NRROS: variants seen among roughly 807,000 people sequenced by gnomAD.
The protein encoded by NRROS is negative regulator of reactive oxygen species.
In NRROS, 6 loss-of-function variants were observed where a neutral mutation model predicts 12.0. The ratio of observed to expected loss-of-function variants is 0.50; its 90% CI spans 0.27 to 0.98. The LOEUF (loss-of-function observed/expected upper bound fraction) is 0.98, where lower values mean the gene tolerates loss of function less well. NRROS is among the 50% of genes least tolerant of loss of function. The pLI is 0.11. For synonymous variants in NRROS, 462 were observed against 410.2 expected, an observed-to-expected ratio of 1.13 and a Z score of -1.53; for missense variants, 857 against 888.2, an observed-to-expected ratio of 0.96 and a Z score of 0.45.
intron 1 of NRROS, among the ~76,000 whole-genome samples, chr3:196,652,639 T>C (rs953595457): frequency 5.9e-5 from 9 of 152,224 alleles, no homozygotes; most frequent in African/African-American, 1.7e-4. Context: ...GGAGAGGATA[T>C]GTTTTAAACT....
chr3:196,641,263 G>A (rs1737203791), intron 1 of NRROS, among the ~76,000 whole-genome samples: 1 of 151,988 alleles, frequency 6.6e-6, no homozygotes, highest in South Asian at 2.1e-4. Context: ...GCCCAGACTG[G>A]AGTTCTGTGG....
chr3:196,646,917 C>A (rs1737325157), intron 1 of NRROS, among the ~76,000 whole-genome samples: 1 of 152,342 alleles, frequency 6.6e-6, no homozygotes, highest in South Asian at 2.1e-4. Context: ...CCTGCATATT[C>A]TTTTAGCAAA....
In NRROS at chr3:196,660,735, G is replaced by T. The variant is rs781642014; in HGVS notation, c.1092G>T (p.Leu364=). 10 of 1,614,112 alleles carry T rather than the reference G, an allele frequency of 6.2e-6. No homozygotes were observed. The highest frequency in any genetic ancestry group is 8.5e-6 in the Non-Finnish European group (10 of 1,180,036). Residue 364 remains leucine, a synonymous_variant, in exon 3 of 3, where the codon CTG becomes CTT. Coordinates refer to ENST00000328557, the MANE Select transcript of NRROS (RefSeq NM_198565.3). The surrounding 1 kb of genome is among the most constrained non-coding windows in gnomAD (Gnocchi z 7.7). The part of the protein sequence containing the change: ...LSHLNLHQNC[L]MTLHIREHEP... ...ACCTGAACCTCCACCAGAATTGCCTGATGACGCTTCACATTCGGGAGCACG... is the reference window on the plus strand; with the variant it reads ...ACCTGAACCTCCACCAGAATTGCCTTATGACGCTTCACATTCGGGAGCACG...
chr3:196,653,466 A>G (rs564644393), intron 1 of NRROS, among the ~76,000 whole-genome samples: 12 of 152,160 alleles, frequency 7.9e-5, no homozygotes, highest in African/African-American at 1.9e-4. Context: ...GGCCCAGGAG[A>G]AGATGGGAGG....
chr3:196,641,757 C>G (rs1737213166), intron 1 of NRROS, among the ~76,000 whole-genome samples: 1 of 152,188 alleles, frequency 6.6e-6, no homozygotes, highest in Non-Finnish European at 1.5e-5. Flanking sequence ...TGCATTCTGG[C>G]TGCGGTGTGC....
At chr3:196,645,009 A>G (rs755814169) in intron 1 of NRROS, among the ~76,000 whole-genome samples, 2 of 152,098 alleles carry the variant, frequency 1.3e-5, no homozygotes, top group African/African-American at 4.8e-5. Flanking sequence ...AGATGGATAG[A>G]TGTATGTTGT....
chr3:196,641,767 C>T (rs6804254), intron 1 of NRROS, among the ~76,000 whole-genome samples: 48,946 of 151,990 alleles, frequency 0.32, 8,798 homozygotes, highest in East Asian at 0.58. Context: ...CTGCGGTGTG[C>T]GTCCACACTG....
In NRROS at chr3:196,654,941, A is replaced by G. The variant is rs1737507367; in HGVS notation, c.108+294A>G. 1 of 315,094 alleles carries G rather than the reference A, an allele frequency of 3.2e-6. No homozygotes were observed. The highest frequency in any genetic ancestry group is 5.9e-6 in the Non-Finnish European group (1 of 170,798). 19.5% of individuals were successfully genotyped at this position (315,094 alleles called of 1,614,324 possible). On this transcript the variant is annotated intron_variant, in intron 2 of 2. Transcript: ENST00000328557. The surrounding 1 kb of genome is among the most constrained non-coding windows in gnomAD (Gnocchi z 4.4). ...CCGGAACAAGAACAACTTGTTAAAA[A>G]TCTGGATGATTCAGGCCGGGTGCAG...
At chr3:196,644,398 CAA>C (rs35853147) in intron 1 of NRROS, among the ~76,000 whole-genome samples, 22 of 87,506 alleles carry the variant, frequency 2.5e-4, no homozygotes, top group East Asian at 3.2e-4. Flanking sequence ...GACCCCGTCT[CAA>C]AAAAAAAAAA....
rs62636589 is a variant in NRROS, at chr3:196,660,891, C to T, written c.1248C>T (p.Gly416=). The T allele has an allele frequency of 1.2e-5, 19 of 1,614,008 alleles. No individual in the cohort carries two copies. The African/African-American group carries it at 2.4e-4, about 20-fold the overall frequency. ...LFNLSSNQLL[G]VPPGLFANAR... is the part of the protein sequence containing the mutation. ...ACCTGAGCTCCAACCAGCTCCTGGG[C>T]GTCCCCCCTGGCCTCTTCGCCAATG... Residue 416 remains glycine (G), a synonymous_variant, in exon 3 of 3, where the codon GGC becomes GGT. Transcript: ENST00000328557. This position sits in a 1 kb window ranked among gnomAD's most constrained non-coding sequence, Gnocchi z 7.7.
intron 1 of NRROS, among the ~76,000 whole-genome samples, chr3:196,643,648 A>G (rs1737250630): frequency 6.6e-6 from 1 of 152,210 alleles, no homozygotes; most frequent in Non-Finnish European, 1.5e-5. Flanking sequence ...CCACACCCAC[A>G]GTGCCTGGCA....
At position 196,661,215 on chromosome 3, in the gene NRROS, C is replaced by T. The variant is rs765956143; in HGVS notation, c.1572C>T (p.His524=). The part of the protein sequence containing the change: ...QVLSLRNMGL[H]SSFMALDFSG... Reference sequence around the variant, plus strand: ...TGTCTCTCAGGAACATGGGCCTCCACTCCAGCTTTATGGCGTTGGACTTCT... The same window carrying T: ...TGTCTCTCAGGAACATGGGCCTCCATTCCAGCTTTATGGCGTTGGACTTCT... The change falls in exon 3 of 3, where the codon CAC becomes CAT. Residue 524 remains histidine (H), a synonymous_variant. Coordinates refer to ENST00000328557, the MANE Select transcript of NRROS (RefSeq NM_198565.3). 1.2e-5 allele frequency: 19 copies of T among 1,614,010 alleles called. No individual in the cohort carries two copies. The highest frequency in any genetic ancestry group is 1.1e-4 in the East Asian group (5 of 44,868).
chr3:196,656,107 C>G (rs1490726600), intron 2 of NRROS, among the ~76,000 whole-genome samples: 1 of 152,028 alleles, frequency 6.6e-6, no homozygotes, highest in Non-Finnish European at 1.5e-5. Context: ...GCAGAGGTTG[C>G]AGTGAGCTGA....
At chr3:196,650,529 C>G (rs545296542) in intron 1 of NRROS, among the ~76,000 whole-genome samples, 20 of 152,332 alleles carry the variant, frequency 1.3e-4, no homozygotes, top group East Asian at 5.8e-4. Flanking sequence ...ACCCCCCACT[C>G]CTTGGCCTCC....
chr3:196,659,829 C>A lies in NRROS; in HGVS notation c.186C>A (p.Leu62=). The A allele has an allele frequency of 6.2e-7, 1 of 1,614,034 alleles. No homozygotes were observed. The highest frequency in any genetic ancestry group is 8.5e-7 in the Non-Finnish European group (1 of 1,179,956). The change falls in exon 3 of 3, where the codon CTC becomes CTA. Residue 62 remains leucine (L), a synonymous_variant. Coordinates refer to ENST00000328557, the MANE Select transcript of NRROS (RefSeq NM_198565.3). ...PSSLPPHARM[L]TLDANPLKTL... Reference sequence around the variant, plus strand: ...GCCTCCCGCCCCACGCCCGGATGCTCACCCTGGATGCCAACCCTCTCAAGA... The same window carrying A: ...GCCTCCCGCCCCACGCCCGGATGCTAACCCTGGATGCCAACCCTCTCAAGA...
At position 196,660,025 on chromosome 3, in the gene NRROS, C is replaced by T; in HGVS notation, c.382C>T (p.Leu128Phe). The change falls in exon 3 of 3, where the codon CTC (leucine) becomes TTC (phenylalanine). Residue 128 changes from leucine (L) to phenylalanine (F), a missense_variant. Leu to Phe is a conservative substitution (Grantham distance 22). Coordinates refer to ENST00000328557, the MANE Select transcript of NRROS (RefSeq NM_198565.3). The surrounding 1 kb of genome is among the most constrained non-coding windows in gnomAD (Gnocchi z 7.7). ...GAACTACGAAGAGACGGCAGCCGCC[C>T]TCCACGCCCTGCCGGGCCTGCGGAG... ...SENYEETAAA[L>F]HALPGLRRLD... The T allele has an allele frequency of 6.2e-7, 1 of 1,613,440 alleles. No individual in the cohort carries two copies. The highest frequency in any genetic ancestry group is 8.5e-7 in the Non-Finnish European group (1 of 1,179,964).
chr3:196,646,562 G>C (rs924052465), intron 1 of NRROS, among the ~76,000 whole-genome samples: 1 of 152,214 alleles, frequency 6.6e-6, no homozygotes, highest in African/African-American at 2.4e-5. Flanking sequence ...GCTCTACCAG[G>C]CCGACGCTGA....
chr3:196,661,366 C>CA lies in NRROS; in HGVS notation c.1724dup (p.Lys576GlufsTer5). 6.3e-7 allele frequency: 1 copy of CA among 1,575,056 alleles called. No individual in the cohort carries two copies. The highest frequency in any genetic ancestry group is 8.6e-7 in the Non-Finnish European group (1 of 1,159,026). ...TAGAAACTCGCTCACAGCCCTTCCC[C>CA]AGAAGGCTGTGTCTGAGCAGCTCTC... is the stretch of plus-strand genomic sequence containing the variant. On this transcript the variant is annotated frameshift_variant, in exon 3 of 3. Coordinates refer to ENST00000328557, the MANE Select transcript of NRROS (RefSeq NM_198565.3). LOFTEE classifies it high-confidence loss of function.
Position 196,645,365 on chromosome 3 carries a change from G to A in NRROS, c.-14+5490G>A, listed in dbSNP as rs560125887. Among the ~76,000 whole-genome samples the A allele has an allele frequency of 9.2e-5, 14 of 152,302 alleles. 1 individual carries two copies. In the East Asian group the frequency reaches 2.7e-3, roughly 29 times the overall value. ...CTTGTGGTATTGAGGTTGAGCTGAT[G>A]CAGAAGTCACAGACCTGGGTTTGAA... On this transcript the variant is annotated intron_variant, in intron 1 of 2. Transcript: ENST00000328557.
Sources: gnomAD v4.1 joint callset for allele counts (sites outside exome capture counted in the v4.1 genomes callset) on GRCh38, gnomAD v4.1.1 for gene constraint, Gnocchi (gnomAD v3.1) non-coding constraint, MANE v1.5 for transcripts, NCBI Gene and HGNC (gene_info 2026-07-23, HGNC 2026-07-21) for gene names.